Variants in SEC16B observed in about 807,000 individuals in gnomAD.
SEC16B encodes SEC16 homolog B, endoplasmic reticulum export factor, also known as protein transport protein Sec16B.
SEC16B carries 115 observed loss-of-function variants against 141.8 expected under a neutral mutation model. The ratio of observed to expected loss-of-function variants is 0.81; its 90% confidence interval spans 0.70 to 0.95. The LOEUF (loss-of-function observed/expected upper bound fraction) is 0.95. SEC16B is among the 40% of genes least tolerant of loss of function. The pLI, the probability that SEC16B is intolerant of heterozygous loss-of-function variation, is 0.00. For synonymous variants in SEC16B, 493 were observed against 492.5 expected (o/e 1.00, Z -0.01); for missense variants, 1,291 against 1,312.3 (o/e 0.98, Z 0.25).
Position 177,932,565 on chromosome 1 carries a change from C to G in SEC16B, c.2937G>C (p.Gly979=). Residue 979 remains glycine (G), a synonymous_variant, in exon 24 of 26, where the codon GGG becomes GGC. Coordinates refer to ENST00000308284, the MANE Select transcript of SEC16B (RefSeq NM_033127.4). The part of the protein sequence containing the change: ...DVSAFSRGRG[G]GEGRGSASSG... ...TGGATGCGGATCCTCGGCCTTCACC[C>G]CCACCTGGAAAGTAATGAGGCAGAG... is the stretch of plus-strand genomic sequence containing the variant. 1.9e-6 allele frequency: 3 copies of G among 1,557,784 alleles called. No individual in the cohort carries two copies. Among genetic ancestry groups the G allele is most frequent in the Non-Finnish European group, 2.6e-6 (3 of 1,152,036 alleles).
At chr1:177,957,282 AATAG>A (rs1652684622) in intron 10 of SEC16B, among the ~76,000 whole-genome samples, 1 of 152,070 alleles carries the variant, frequency 6.6e-6, no homozygotes, top group Non-Finnish European at 1.5e-5. Context: ...ATAATAGTAG[AATAG>A]ATAAATAAAA....
At chr1:177,930,094 T>G (rs375037940) in intron 25 of SEC16B, among the ~76,000 whole-genome samples, 165 bp from the exon 26 acceptor site, 183 of 152,242 alleles carry the variant, frequency 1.2e-3, no homozygotes, top group African/African-American at 4.1e-3. Flanking sequence ...CTAACTGTGG[T>G]AAAAGAAATT....
rs925976563 is a variant in SEC16B, at chr1:177,947,889, C to A, written c.1599G>T (p.Leu533=). Residue 533 remains leucine (L), a synonymous_variant, in exon 13 of 26, where the codon CTG becomes CTT. Transcript: ENST00000308284. ...GDWRPHLAVI[L]SNQAGDPELY... is the part of the protein sequence containing the mutation. Reference sequence around the variant, plus strand: ...GCTCTGGGTCCCCAGCCTGATTCGACAGAATCACAGCCAAGTGAGGCCTCC... The same window carrying A: ...GCTCTGGGTCCCCAGCCTGATTCGAAAGAATCACAGCCAAGTGAGGCCTCC... 15 of 1,560,358 alleles carry A rather than the reference C, an allele frequency of 9.6e-6. No homozygotes were observed. The Admixed American group carries it at 2.7e-4, about 28-fold the overall frequency.
chr1:177,938,093 G>A (rs1407059351), intron 18 of SEC16B, among the ~76,000 whole-genome samples: 1 of 152,104 alleles, frequency 6.6e-6, no homozygotes, highest in Non-Finnish European at 1.5e-5. Context: ...ACAAGCACTG[G>A]CCTCAAGATG....
Position 177,947,890 on chromosome 1 carries a change from A to C in SEC16B, c.1598T>G (p.Leu533Arg). ...CTCTGGGTCCCCAGCCTGATTCGAC[A>C]GAATCACAGCCAAGTGAGGCCTCCA... ...GDWRPHLAVI[L>R]SNQAGDPELY... The change falls in exon 13 of 26, where the codon CTG (leucine) becomes CGG (arginine). Residue 533 changes from leucine to arginine, a missense_variant. Leu to Arg is a moderately radical substitution (Grantham distance 102). Transcript: ENST00000308284. 6.4e-7 allele frequency: 1 copy of C among 1,560,662 alleles called. No homozygotes were observed. Among genetic ancestry groups the C allele is most frequent in the Non-Finnish European group, 8.7e-7 (1 of 1,152,318 alleles).
Position 177,958,839 on chromosome 1 carries a change from C to A in SEC16B, c.1134+1G>T. 6.2e-7 allele frequency: 1 copy of A among 1,613,128 alleles called. No individual in the cohort carries two copies. Among genetic ancestry groups the A allele is most frequent in the South Asian group, 1.1e-5 (1 of 91,018 alleles). On this transcript the variant is annotated splice_donor_variant, in intron 9 of 25. Coordinates refer to ENST00000308284, the MANE Select transcript of SEC16B (RefSeq NM_033127.4). LOFTEE classifies it high-confidence loss of function. ...TGCTCTCCCACCAGAACAGAACTTA[C>A]CCCATTCTGGCGACAAAGGAGAACC... is the stretch of plus-strand genomic sequence containing the variant.
chr1:177,976,456 G>A (rs533671960), intron 1 of SEC16B, among the ~76,000 whole-genome samples: 1 of 152,280 alleles, frequency 6.6e-6, no homozygotes, highest in East Asian at 1.9e-4. Flanking sequence ...TCAGCTGCAG[G>A]TCGACAGGAT....
chr1:177,969,188 T>C (rs906071657), intron 1 of SEC16B, among the ~76,000 whole-genome samples: 1 of 152,134 alleles, frequency 6.6e-6, no homozygotes, highest in Admixed American at 6.6e-5. Context: ...CAGCCTCATA[T>C]AAAAATTCAT....
At chr1:177,964,926 C>G in intron 4 of SEC16B, 121 bp downstream of exon 4, 1 of 1,205,428 alleles carries the variant, frequency 8.3e-7, no homozygotes, top group East Asian at 2.6e-5. Flanking sequence ...ATCCCTGTGG[C>G]TACAACAAAG....
At chr1:177,939,910 G>C (rs1651148638) in intron 17 of SEC16B, 133 bp from the exon 18 acceptor site, 4 of 730,248 alleles carry the variant, frequency 5.5e-6, no homozygotes, top group Non-Finnish European at 4.5e-6. Context: ...ATGCTTGTAT[G>C]CTTAGGGGCC....
chr1:177,936,209 G>T, intron 20 of SEC16B, 89 bp downstream of exon 20: 1 of 987,184 alleles, frequency 1.0e-6, no homozygotes, highest in Non-Finnish European at 1.6e-6. Context: ...CTGAGGAGGA[G>T]CTTGCATGTG....
At chr1:177,946,799 G>A (rs534395302) in intron 13 of SEC16B, among the ~76,000 whole-genome samples, 1 of 152,246 alleles carries the variant, frequency 6.6e-6, no homozygotes, top group Non-Finnish European at 1.5e-5. Flanking sequence ...GACTTTTTAC[G>A]AGGAATTCCC....
At chr1:177,960,489 C>A in intron 7 of SEC16B, 86 bp from the exon 8 acceptor site, 1 of 966,584 alleles carries the variant, frequency 1.0e-6, no homozygotes, top group Non-Finnish European at 1.6e-6. Flanking sequence ...ACCCCAAGGC[C>A]GTGGGGCTAG....
At position 177,934,898 on chromosome 1, in the gene SEC16B, C is replaced by T. The variant is rs571704290; in HGVS notation, c.2572-1262G>A. Among the ~76,000 whole-genome samples, 19 of 152,212 alleles carry T rather than the reference C, an allele frequency of 1.2e-4. No individual in the cohort carries two copies. The East Asian group carries it at 3.3e-3, about 26-fold the overall frequency. ...AACATGGGAATGATCCACCAGAATG[C>T]GAGCTCCTTACCATGGTCGTGGAGG... On this transcript the variant is annotated intron_variant, in intron 20 of 25. Coordinates refer to ENST00000308284, the MANE Select transcript of SEC16B (RefSeq NM_033127.4).
intron 9 of SEC16B, 54 bp from the exon 10 acceptor site, chr1:177,958,416 A>T: frequency 7.0e-7 from 1 of 1,418,606 alleles, no homozygotes; most frequent in Non-Finnish European, 9.4e-7. Flanking sequence ...TCAGGCTGGC[A>T]GCCCCAGCTG....
intron 8 of SEC16B, chr1:177,959,328 C>T (rs901117938): frequency 6.4e-6 from 2 of 314,210 alleles, no homozygotes; most frequent in African/African-American, 4.3e-5. Context: ...CTTACCTCCT[C>T]TGAGCCTCAG....
At chr1:177,957,642 T>C (rs1652711010) in intron 10 of SEC16B, among the ~76,000 whole-genome samples, 1 of 152,206 alleles carries the variant, frequency 6.6e-6, no homozygotes, top group African/African-American at 2.4e-5. Flanking sequence ...CCTCAAGCCT[T>C]TATCCTTTGT....
Position 177,939,709 on chromosome 1 carries a change from T to C in SEC16B, c.2196A>G (p.Thr732=). ...TRSDISGAGG[T]TTENTFYQDF... is the part of the protein sequence containing the mutation. Reference sequence around the variant, plus strand: ...GTTCATCATTTTGGGTACCTGTTGTTGTTCCTCCGGCTCCCGAAATATCTG... The same window carrying C: ...GTTCATCATTTTGGGTACCTGTTGTCGTTCCTCCGGCTCCCGAAATATCTG... Residue 732 remains threonine, a synonymous_variant, in exon 18 of 26, where the codon ACA becomes ACG. Transcript: ENST00000308284. 6.3e-7 allele frequency: 1 copy of C among 1,593,734 alleles called. No individual in the cohort carries two copies. Among genetic ancestry groups the C allele is most frequent in the East Asian group, 2.3e-5 (1 of 44,350 alleles).
chr1:177,981,715 T>C lies in SEC16B; in HGVS notation c.-59+2491A>G, dbSNP rs116162795. ...ATATGCAGAGGGAAAGGCAGCCAAC[T>C]AAGAGAAAGCTATGTTCAGGATGGG... On this transcript the variant is annotated intron_variant and NMD_transcript_variant, in intron 1 of 24. Transcript: ENST00000528461. 4.5e-3 allele frequency among the ~76,000 whole-genome samples: 681 copies of C among 152,238 alleles called. 5 individuals are homozygous for C. Among genetic ancestry groups the C allele is most frequent in the African/African-American group, 0.016 (649 of 41,552 alleles).
Sources: allele counts gnomAD v4.1 joint callset (sites outside exome capture counted in the v4.1 genomes callset), GRCh38; gene constraint gnomAD v4.1.1; transcripts MANE v1.5; gene names NCBI Gene and HGNC (gene_info 2026-07-23, HGNC 2026-07-21).